ARHGEF37: variants seen among roughly 807,000 people sequenced by gnomAD.
ARHGEF37 encodes Rho guanine nucleotide exchange factor (GEF) 37.
In ARHGEF37, 55 loss-of-function variants were observed where a neutral mutation model predicts 71.1. The ratio of observed to expected loss-of-function variants is 0.77; its 90% CI spans 0.62 to 0.97. The LOEUF (loss-of-function observed/expected upper bound fraction) is 0.97. Ranked by LOEUF, ARHGEF37 falls within the 50% of genes least tolerant of loss-of-function variation. ARHGEF37 has a pLI of 0.00. For missense variants in ARHGEF37, 765 were observed against 836.8 expected (o/e 0.91, Z 1.06); for synonymous variants, 327 against 350.6 (o/e 0.93, Z 0.75).
intron 2 of ARHGEF37, among the ~76,000 whole-genome samples, chr5:149,598,408 C>CTCTTCTCCT (rs1350682714): frequency 7.7e-6 from 1 of 130,424 alleles, no homozygotes; most frequent in Non-Finnish European, 1.7e-5. Context: ...CTTCCTCTTC[C>CTCTTCTCCT]TCTTCTCCTT....
chr5:149,598,308 T>TTCC (rs1763620892), intron 2 of ARHGEF37, among the ~76,000 whole-genome samples: 2 of 150,134 alleles, frequency 1.3e-5, no homozygotes, highest in African/African-American at 5.0e-5. Context: ...CTTCTTCTTC[T>TTCC]TCTTCTTCTT....
intron 3 of ARHGEF37, among the ~76,000 whole-genome samples, chr5:149,605,848 C>T (rs1763900003): frequency 6.6e-6 from 1 of 152,180 alleles, no homozygotes; most frequent in Admixed American, 6.5e-5. Flanking sequence ...TATTTGAACC[C>T]AGCTCTTCTA....
intron 3 of ARHGEF37, among the ~76,000 whole-genome samples, chr5:149,606,005 C>A (rs1220728204): frequency 1.3e-5 from 2 of 152,184 alleles, no homozygotes; most frequent in Non-Finnish European, 2.9e-5. Flanking sequence ...CAAGCCTTTC[C>A]TTTGGTGTAA....
chr5:149,632,345 C>CG lies in ARHGEF37; in HGVS notation c.*157dup. On this transcript the variant is annotated 3_prime_UTR_variant, in exon 13 of 13. Coordinates refer to ENST00000333677, the MANE Select transcript of ARHGEF37 (RefSeq NM_001001669.3). Reference sequence around the variant, plus strand: ...TCAGGAGGCAGCCAGAAGACATGGGCGGGCCTCGCAGAGTGCTTGGTGTGG... The same window carrying CG: ...TCAGGAGGCAGCCAGAAGACATGGGCGGGGCCTCGCAGAGTGCTTGGTGTGG... 1.2e-6 allele frequency: 1 copy of CG among 808,232 alleles called. No homozygotes were observed. Among genetic ancestry groups the CG allele is most frequent in the Non-Finnish European group, 1.9e-6 (1 of 521,180 alleles). 50.1% of individuals were successfully genotyped at this position (808,232 alleles called of 1,614,324 possible).
intron 1 of ARHGEF37, among the ~76,000 whole-genome samples, chr5:149,591,412 C>G (rs1004603402): frequency 6.6e-6 from 1 of 152,008 alleles, no homozygotes; most frequent in Non-Finnish European, 1.5e-5. Context: ...GAGATGAGGT[C>G]TCTCTCTATT....
chr5:149,601,355 G>C (rs1763750663), intron 3 of ARHGEF37, 124 bp downstream of exon 3: 2 of 1,213,626 alleles, frequency 1.6e-6, no homozygotes, highest in Non-Finnish European at 2.2e-6. Context: ...TCTGTTTTGG[G>C]GATCTCCAAA....
chr5:149,623,679 G>A (rs1054367879), intron 9 of ARHGEF37, among the ~76,000 whole-genome samples: 1 of 152,162 alleles, frequency 6.6e-6, no homozygotes, highest in African/African-American at 2.4e-5. Context: ...TCTGTGTCCT[G>A]TGGTCCATGC....
upstream of ARHGEF37, among the ~76,000 whole-genome samples, chr5:149,578,077 C>T (rs1433934237): frequency 3.9e-5 from 6 of 152,222 alleles, no homozygotes; most frequent in Non-Finnish European, 8.8e-5. Flanking sequence ...TTTCCTCTGG[C>T]ATGGTCTCCT....
intron 1 of ARHGEF37, among the ~76,000 whole-genome samples, chr5:149,585,557 G>A (rs2113272606): frequency 6.6e-6 from 1 of 152,280 alleles, no homozygotes; most frequent in East Asian, 1.9e-4. Context: ...TTGCTCTGTT[G>A]CCCAGGCTGG....
rs71587781 is a variant in ARHGEF37, at chr5:149,597,260, TAAAA to T, written c.-11-493_-11-490del. Among the ~76,000 whole-genome samples the T allele has an allele frequency of 2.5e-4, 38 of 151,706 alleles. 1 individual carries two copies. The East Asian group carries it at 5.8e-3, about 23-fold the overall frequency. On this transcript the variant is annotated intron_variant, in intron 1 of 12. Coordinates refer to ENST00000333677, the MANE Select transcript of ARHGEF37 (RefSeq NM_001001669.3). Reference sequence around the variant, plus strand: ...ATTCAAAATGTCAAGAATTATCTATTAAAAAAAAATTTTTTTTGTAAGAATCTTG... The same window carrying T: ...ATTCAAAATGTCAAGAATTATCTATTAAAAATTTTTTTTGTAAGAATCTTG...
Position 149,601,164 on chromosome 5 carries a change from G to C in ARHGEF37, c.243G>C (p.Val81=). 1 of 1,613,436 alleles carries C rather than the reference G, an allele frequency of 6.2e-7. No homozygotes were observed. Among genetic ancestry groups the C allele is most frequent in the Non-Finnish European group, 8.5e-7 (1 of 1,179,488 alleles). Residue 81 remains valine, a synonymous_variant, in exon 3 of 13, where the codon GTG becomes GTC. Transcript: ENST00000333677. ...CAAACATTGATGATATCATCAAAGT[G>C]AACAGCAGATTCCTCCATGATCTGC... ...LFSNIDDIIK[V]NSRFLHDLQE... is the part of the protein sequence containing the mutation.
chr5:149,553,852 G>T (rs1201471844), intron 1 of ARHGEF37, among the ~76,000 whole-genome samples: 1 of 152,152 alleles, frequency 6.6e-6, no homozygotes, highest in African/African-American at 2.4e-5. Context: ...GATGGTTTTG[G>T]TTTTTAAAAT....
chr5:149,604,290 A>C (rs1021129383), intron 3 of ARHGEF37, among the ~76,000 whole-genome samples: 15 of 152,194 alleles, frequency 9.9e-5, no homozygotes, highest in African/African-American at 3.6e-4. Flanking sequence ...TGATCAGTTA[A>C]ATTTGTATTT....
At chr5:149,572,479 T>C (rs1762979439) in intron 1 of ARHGEF37, among the ~76,000 whole-genome samples, 1 of 152,158 alleles carries the variant, frequency 6.6e-6, no homozygotes. Context: ...CAGGTGGAAG[T>C]ATGAACTTGT....
chr5:149,560,312 C>G (rs764003803), intron 1 of ARHGEF37, among the ~76,000 whole-genome samples: 1 of 152,086 alleles, frequency 6.6e-6, no homozygotes, highest in Non-Finnish European at 1.5e-5. Flanking sequence ...ACGAGGTTCT[C>G]CATGATGGTC....
chr5:149,621,019 A>G (rs1197292224), intron 8 of ARHGEF37, among the ~76,000 whole-genome samples: 3 of 152,050 alleles, frequency 2.0e-5, no homozygotes, highest in East Asian at 3.9e-4. Context: ...TCCTCACCAT[A>G]TGGTTTTGGG....
At chr5:149,600,147 A>T (rs577462760) in intron 2 of ARHGEF37, among the ~76,000 whole-genome samples, 1 of 152,360 alleles carries the variant, frequency 6.6e-6, no homozygotes, top group East Asian at 1.9e-4. Flanking sequence ...CAAATGCAGC[A>T]CAATAGTATT....
chr5:149,573,511 C>A (rs970539473), intron 1 of ARHGEF37, among the ~76,000 whole-genome samples: 4 of 152,162 alleles, frequency 2.6e-5, no homozygotes, highest in African/African-American at 9.7e-5. Context: ...TATCCCCTTA[C>A]CCATACTAAC....
At chr5:149,630,937 G>A (rs1223722139) in intron 12 of ARHGEF37, among the ~76,000 whole-genome samples, 1 of 152,184 alleles carries the variant, frequency 6.6e-6, no homozygotes, top group Non-Finnish European at 1.5e-5. Flanking sequence ...CCCTTGCTAT[G>A]TATGTATCAG....
Sources: gnomAD v4.1 joint callset for allele counts (sites outside exome capture counted in the v4.1 genomes callset) on GRCh38, gnomAD v4.1.1 for gene constraint, MANE v1.5 for transcripts, NCBI Gene and HGNC (gene_info 2026-07-23, HGNC 2026-07-21) for gene names.